The following OTUD7B variants were observed in gnomAD, a reference collection of about 807,000 sequenced individuals.
OTUD7B encodes the protein OTU domain-containing protein 7B.
A neutral mutation model predicts 82.2 loss-of-function variants in OTUD7B; 34 were observed. The ratio of observed to expected loss-of-function variants is 0.41; its 90% CI spans 0.31 to 0.55. The LOEUF (loss-of-function observed/expected upper bound fraction) is 0.55. OTUD7B is among the 20% of genes least tolerant of loss of function. OTUD7B has a pLI of 0.20. For synonymous variants in OTUD7B, 398 were observed against 402.7 expected, an observed-to-expected ratio of 0.99 and a Z score of 0.14; for missense variants, 944 against 1,062.1, an observed-to-expected ratio of 0.89 and a Z score of 1.55.
chr1:149,968,655 C>G (rs1446894517), intron 3 of OTUD7B, among the ~76,000 whole-genome samples: 1 of 152,166 alleles, frequency 6.6e-6, no homozygotes, highest in Non-Finnish European at 1.5e-5. Context: ...ACAAAATAAA[C>G]TGAGTTGTCT....
chr1:149,992,222 T>C (rs587693474), intron 1 of OTUD7B, among the ~76,000 whole-genome samples: 4 of 152,242 alleles, frequency 2.6e-5, no homozygotes. Context: ...AGACTCCGTC[T>C]CAAAATAAGA....
At chr1:150,011,302 ATAGTGCGTTTGTTATGTCTTC>A (rs1459132685), upstream of OTUD7B, among the ~76,000 whole-genome samples, 33 of 152,316 alleles carry the variant, frequency 2.2e-4, no homozygotes, top group Admixed American at 2.0e-3. Flanking sequence ...AAAAACTTAC[ATAGTGCGTTTGTTATGTCTTC>A]TAGTGCGTTT....
the OTUD7B span, among the ~76,000 whole-genome samples, chr1:150,058,228 A>G: frequency 5.2e-4 from 79 of 152,328 alleles, 1 homozygote; most frequent in South Asian, 8.3e-4. Context: ...GTTAAAAACA[A>G]AGGATATAGG....
chr1:150,049,755 T>G, the OTUD7B span, among the ~76,000 whole-genome samples: 1 of 151,340 alleles, frequency 6.6e-6, no homozygotes, highest in East Asian at 1.9e-4. Flanking sequence ...ACGCAATTAA[T>G]TTCTGTATTT....
the OTUD7B span, chr1:150,050,337 CACT>C: frequency 6.6e-6 from 1 of 151,920 alleles, no homozygotes; most frequent in Non-Finnish European, 1.5e-5. Flanking sequence ...AAGAAGATAG[CACT>C]ACTACTTATG....
At chr1:150,063,277 C>T in the OTUD7B span, among the ~76,000 whole-genome samples, 14 of 151,948 alleles carry the variant, frequency 9.2e-5, no homozygotes, top group African/African-American at 3.1e-4. Flanking sequence ...CATGGTGAAA[C>T]CCTGCCTGTA....
chr1:150,029,520 A>C, the OTUD7B span, among the ~76,000 whole-genome samples: 12,046 of 152,286 alleles, frequency 0.079, 692 homozygotes, highest in East Asian at 0.28. Flanking sequence ...TTCTAGAAGC[A>C]ATAGCTCAAG....
intron 6 of OTUD7B, chr1:149,963,646 A>G (rs782723615): frequency 3.3e-5 from 5 of 151,402 alleles, no homozygotes; most frequent in Admixed American, 6.6e-5. Flanking sequence ...ACTGCCTTAT[A>G]TAACAGCAGC....
At chr1:149,980,926 T>C (rs1650677423) in intron 1 of OTUD7B, among the ~76,000 whole-genome samples, 2 of 148,600 alleles carry the variant, frequency 1.3e-5, no homozygotes, top group South Asian at 2.1e-4. Context: ...GGTGGGAGGA[T>C]TGCTTGAGCC....
chr1:149,995,660 T>C (rs188511113), intron 1 of OTUD7B, among the ~76,000 whole-genome samples: 4 of 152,172 alleles, frequency 2.6e-5, no homozygotes, highest in Admixed American at 2.0e-4. Context: ...TGGAACTCAA[T>C]TCCTACTGGA....
the OTUD7B span, among the ~76,000 whole-genome samples, chr1:150,065,715 G>C: frequency 4.6e-5 from 7 of 152,180 alleles, no homozygotes; most frequent in Non-Finnish European, 8.8e-5. Flanking sequence ...AGAGGTATGG[G>C]GATACAAAAG....
In OTUD7B at chr1:149,950,977, A is replaced by ATTTTTT. The variant is rs1458504169; in HGVS notation, c.846-762_846-757dup. On this transcript the variant is annotated intron_variant, in intron 7 of 11. Transcript: ENST00000581312. ...CGGTCTAATTTTTTGTACTTTTTGT[A>ATTTTTT]TTTTTTTTTTTTTTTTTTTTTTGTA... is the stretch of plus-strand genomic sequence containing the variant. Among the ~76,000 whole-genome samples, 12 of 22,412 alleles carry ATTTTTT rather than the reference A, an allele frequency of 5.4e-4. 3 individuals carry two copies. Among genetic ancestry groups the ATTTTTT allele is most frequent in the Non-Finnish European group, 8.3e-4 (10 of 12,044 alleles). The allele number at this position is 22,412 out of a possible 152,430, so 14.7% of individuals were successfully genotyped here.
At chr1:149,996,585 A>C (rs1651940409) in intron 1 of OTUD7B, among the ~76,000 whole-genome samples, 1 of 152,212 alleles carries the variant, frequency 6.6e-6, no homozygotes, top group Admixed American at 6.5e-5. Flanking sequence ...CTTAGCAGAT[A>C]CTTCATCTGA....
chr1:150,064,355 CTCTCT>C, the OTUD7B span, among the ~76,000 whole-genome samples: 79 of 151,854 alleles, frequency 5.2e-4, no homozygotes, highest in African/African-American at 6.8e-4. Flanking sequence ...TTCTTCTTTT[CTCTCT>C]TCTCTTCTCT....
intron 11 of OTUD7B, among the ~76,000 whole-genome samples, chr1:149,946,780 C>T (rs1353778257): frequency 2.1e-5 from 3 of 140,156 alleles, no homozygotes; most frequent in East Asian, 2.1e-4. Context: ...AGGCCAGGCG[C>T]GGTGGCTCAC....
chr1:150,003,635 C>T (rs868923387), intron 1 of OTUD7B, among the ~76,000 whole-genome samples: 4 of 152,212 alleles, frequency 2.6e-5, no homozygotes, highest in African/African-American at 4.8e-5. Context: ...TAGACCCATA[C>T]GCTCCTCGTG....
the OTUD7B span, among the ~76,000 whole-genome samples, chr1:150,045,287 T>G: frequency 5.3e-5 from 8 of 150,498 alleles, no homozygotes; most frequent in East Asian, 1.2e-3. Flanking sequence ...AGAAATAGGG[T>G]TTCACCATGT....
chr1:149,972,722 T>G (rs999497857), intron 2 of OTUD7B, among the ~76,000 whole-genome samples: 1 of 152,204 alleles, frequency 6.6e-6, no homozygotes, highest in Non-Finnish European at 1.5e-5. Context: ...TGGCACACAG[T>G]AGTCACTCAA....
At chr1:150,048,994 G>A in the OTUD7B span, among the ~76,000 whole-genome samples, 4 of 151,994 alleles carry the variant, frequency 2.6e-5, no homozygotes, top group Admixed American at 6.6e-5. Context: ...CACCACACTC[G>A]GCTAATTTTT....
Sources: gnomAD v4.1 joint callset for allele counts (sites outside exome capture counted in the v4.1 genomes callset) on GRCh38, gnomAD v4.1.1 for gene constraint, MANE v1.5 for transcripts, NCBI Gene and HGNC (gene_info 2026-07-23, HGNC 2026-07-21) for gene names.